The following CMYA5 variants were observed in gnomAD, a reference collection of about 807,000 sequenced individuals.
CMYA5 encodes cardiomyopathy associated 5.
A neutral mutation model predicts 318.9 loss-of-function variants in CMYA5; 246 were observed. That is an observed-to-expected ratio of 0.77 (90% CI 0.70 to 0.86). The LOEUF is 0.86. CMYA5 is among the 40% of genes least tolerant of loss of function. The probability of loss-of-function intolerance (pLI) is 0.00; values close to 1 mark genes in which losing one functional copy is unlikely to be tolerated. For missense variants in CMYA5, 4,589 were observed against 4,678.2 expected (o/e 0.98, Z 0.56); for synonymous variants, 1,641 against 1,729.5 (o/e 0.95, Z 1.27).
At chr5:79,710,365 C>A (rs1031928292) in intron 1 of CMYA5, among the ~76,000 whole-genome samples, 29 of 151,788 alleles carry the variant, frequency 1.9e-4, no homozygotes, top group Non-Finnish European at 4.3e-4. Flanking sequence ...TAAATATAAC[C>A]CACATGAACA....
At position 79,734,089 on chromosome 5, in the gene CMYA5, C is replaced by T; in HGVS notation, c.5324C>T (p.Thr1775Ile). 6.2e-7 allele frequency: 1 copy of T among 1,613,788 alleles called. No individual in the cohort carries two copies. The highest frequency in any genetic ancestry group is 8.5e-7 in the Non-Finnish European group (1 of 1,179,824). ...GNQEIGPLPP[T>I]GNLKAQVMGD... ...CAAGAAATAGGCCCATTACCACCAA[C>T]TGGAAATTTGAAGGCACAAGTCATG... The change falls in exon 2 of 13, where the codon ACT (threonine) becomes ATT (isoleucine). Residue 1775 changes from threonine to isoleucine, a missense_variant. Physicochemically the swap from Thr to Ile is moderately conservative, Grantham distance 89 (BLOSUM62 -1). This residue lies in a region of CMYA5 where 2,132 missense variants were observed against 2,131.3 expected (regional missense o/e 1.00). Transcript: ENST00000446378.
intron 1 of CMYA5, among the ~76,000 whole-genome samples, chr5:79,703,276 T>G (rs1827207385): frequency 6.6e-6 from 1 of 152,192 alleles, no homozygotes. Flanking sequence ...TAATTGAAAA[T>G]ACAACATAGG....
At chr5:79,753,317 C>T (rs1256717691) in intron 6 of CMYA5, among the ~76,000 whole-genome samples, 2 of 152,144 alleles carry the variant, frequency 1.3e-5, no homozygotes, top group African/African-American at 4.8e-5. Context: ...TCAGAAGCAT[C>T]CTGCCAGCTC....
intron 1 of CMYA5, among the ~76,000 whole-genome samples, chr5:79,722,623 GCCAAGATTGTGCCCCTGCACT>G (rs1290459474): frequency 1.4e-5 from 2 of 145,034 alleles, no homozygotes; most frequent in Non-Finnish European, 3.0e-5. Flanking sequence ...GTTGCAGGGA[GCCAAGATTGTGCCCCTGCACT>G]CCAGCCTGGG....
intron 2 of CMYA5, 106 bp from the exon 3 acceptor site, chr5:79,743,721 T>G: frequency 3.4e-6 from 2 of 588,726 alleles, no homozygotes; most frequent in South Asian, 2.5e-5. Context: ...TATAGTATAG[T>G]AAGTCTCTAC....
chr5:79,732,726 T>C lies in CMYA5; in HGVS notation c.3961T>C (p.Ser1321Pro), dbSNP rs1223013111. The C allele has an allele frequency of 5.6e-6, 9 of 1,613,582 alleles. No homozygotes were observed. The Admixed American group carries it at 1.2e-4, about 21-fold the overall frequency. Residue 1321 changes from serine to proline, a missense_variant, in exon 2 of 13, where the codon TCA becomes CCA. Around this residue, in one of 3 missense-constraint regions of CMYA5, gnomAD observed 2,132 missense variants for 2,131.3 expected, o/e 1.00. Coordinates refer to ENST00000446378, the MANE Select transcript of CMYA5 (RefSeq NM_153610.5). Reference protein sequence around the residue: ...TTPIVLHSASSGVEKQVEHGP... With the variant: ...TTPIVLHSASPGVEKQVEHGP... ...ACCTATAGTGCTTCATTCAGCTTCC[T>C]CAGGAGTGGAAAAGCAAGTTGAACA...
At chr5:79,693,336 A>ATT (rs11319092) in intron 1 of CMYA5, among the ~76,000 whole-genome samples, 22 of 135,632 alleles carry the variant, frequency 1.6e-4, no homozygotes, top group Admixed American at 3.0e-4. Flanking sequence ...AAGTCACACA[A>ATT]TTTTTTTTTT....
At position 79,737,535 on chromosome 5, in the gene CMYA5, G is replaced by T. The variant is rs1165654869; in HGVS notation, c.8770G>T (p.Gly2924Cys). ...GGAACCTGAAGACACATATGCAAAA[G>T]GTGAAGACTTTACAGTGACTAGTAA... ...PKEPEDTYAKGEDFTVTSKPA... is the reference protein window; with the variant it reads ...PKEPEDTYAKCEDFTVTSKPA... Residue 2924 changes from glycine to cysteine, a missense_variant, in exon 2 of 13, where the codon GGT becomes TGT. Coordinates refer to ENST00000446378, the MANE Select transcript of CMYA5 (RefSeq NM_153610.5). 1 of 1,613,478 alleles carries T rather than the reference G, an allele frequency of 6.2e-7. No individual in the cohort carries two copies. The highest frequency in any genetic ancestry group is 1.7e-5 in the Admixed American group (1 of 59,900).
intron 9 of CMYA5, among the ~76,000 whole-genome samples, chr5:79,788,022 A>G (rs922215112): frequency 7.9e-5 from 12 of 152,162 alleles, no homozygotes; most frequent in Admixed American, 2.6e-4. Context: ...AAAAACAAAG[A>G]CAAACAAAAA....
At chr5:79,716,814 A>G (rs1276542104) in intron 1 of CMYA5, among the ~76,000 whole-genome samples, 2 of 152,262 alleles carry the variant, frequency 1.3e-5, no homozygotes, top group East Asian at 3.9e-4. Flanking sequence ...CAGTAGCAAC[A>G]TCCGTATACA....
At position 79,743,830 on chromosome 5, in the gene CMYA5, C is replaced by A; in HGVS notation, c.10642C>A (p.Gln3548Lys). 6.6e-7 allele frequency: 1 copy of A among 1,512,514 alleles called. No individual in the cohort carries two copies. The highest frequency in any genetic ancestry group is 1.2e-5 in the South Asian group (1 of 81,478). 93.7% of individuals were successfully genotyped at this position (1,512,514 alleles called of 1,614,324 possible). ...LDTAISAVKV[Q>K]LAEFLENLQE... The stretch of plus-strand genomic sequence containing the variant: ...ATATCTTAATTCTTTTCTTCAGGTT[C>A]AATTAGCAGAATTTCTAGAAAATTT... The change falls in exon 3 of 13, where the codon CAA becomes AAA. Residue 3548 changes from glutamine (Q) to lysine (K), a missense_variant. By Grantham distance (53) the Gln-to-Lys change is moderately conservative. Transcript: ENST00000446378.
In CMYA5 at chr5:79,689,839, C is replaced by A. The variant is rs1037582412; in HGVS notation, c.-69C>A. On this transcript the variant is annotated 5_prime_UTR_variant, in exon 1 of 13. Coordinates refer to ENST00000446378, the MANE Select transcript of CMYA5 (RefSeq NM_153610.5). ...TGGGGAGGGCAGGGGCCAGAGCAGT[C>A]GGAGGGAGAACACCAGGCGCGGCGC... The A allele has an allele frequency of 1.5e-5, 9 of 612,570 alleles. No homozygotes were observed. Among genetic ancestry groups the A allele is most frequent in the Non-Finnish European group, 1.7e-5 (6 of 343,492 alleles). 37.9% of individuals were successfully genotyped at this position (612,570 alleles called of 1,614,324 possible). A position where few individuals can be genotyped will look rare whatever the true frequency, so the allele number is the denominator to read the frequency against.
chr5:79,759,113 T>C (rs1055747901), intron 7 of CMYA5, among the ~76,000 whole-genome samples: 4 of 152,232 alleles, frequency 2.6e-5, no homozygotes, highest in African/African-American at 9.6e-5. Flanking sequence ...ATGGCATAAA[T>C]ATTATAATAG....
At chr5:79,748,110 G>A (rs1828362009) in intron 5 of CMYA5, among the ~76,000 whole-genome samples, 1 of 152,146 alleles carries the variant, frequency 6.6e-6, no homozygotes, top group South Asian at 2.1e-4. Flanking sequence ...ATCAATAAGT[G>A]TTTTATAACA....
intron 9 of CMYA5, among the ~76,000 whole-genome samples, chr5:79,773,892 A>T (rs1580800486): frequency 6.6e-6 from 1 of 152,366 alleles, no homozygotes; most frequent in East Asian, 1.9e-4. Flanking sequence ...GTGTAGGAAG[A>T]CAAGTTGAAA....
chr5:79,792,003 C>T (rs1433824670), intron 11 of CMYA5, among the ~76,000 whole-genome samples: 6 of 152,278 alleles, frequency 3.9e-5, no homozygotes, highest in Non-Finnish European at 7.4e-5. Context: ...GCCCTGGTGT[C>T]GGTGGCTGGC....
chr5:79,689,902 G>T lies in CMYA5; in HGVS notation c.-6G>T, dbSNP rs1017764696. On this transcript the variant is annotated 5_prime_UTR_variant, in exon 1 of 13. Coordinates refer to ENST00000446378, the MANE Select transcript of CMYA5 (RefSeq NM_153610.5). ...CTCCGGCCCCGGCCCAGGCCCGGGAGAGGCGATGGCGAGCCGCGATAGCAA... is the reference window on the plus strand; with the variant it reads ...CTCCGGCCCCGGCCCAGGCCCGGGATAGGCGATGGCGAGCCGCGATAGCAA... The T allele has an allele frequency of 5.1e-6, 4 of 777,328 alleles. No homozygotes were observed. The African/African-American group carries it at 7.3e-5, about 14-fold the overall frequency. 48.2% of individuals were successfully genotyped at this position (777,328 alleles called of 1,614,324 possible). A position where few individuals can be genotyped will look rare whatever the true frequency, so the allele number is the denominator to read the frequency against.
intron 9 of CMYA5, among the ~76,000 whole-genome samples, chr5:79,766,516 G>A (rs564903628): frequency 2.0e-5 from 3 of 152,302 alleles, no homozygotes; most frequent in South Asian, 2.1e-4. Flanking sequence ...TAGCATGAAG[G>A]GGTGTTGAAT....
chr5:79,796,754 G>T (rs1212388932), intron 12 of CMYA5, among the ~76,000 whole-genome samples: 6 of 152,074 alleles, frequency 3.9e-5, no homozygotes, highest in Non-Finnish European at 8.8e-5. Context: ...AAGATAAGAA[G>T]AGCATGTTTT....
Sources: gnomAD v4.1 joint callset for allele counts (sites outside exome capture counted in the v4.1 genomes callset) on GRCh38, gnomAD v4.1.1 for gene constraint, gnomAD v4.1.1 regional missense constraint, MANE v1.5 for transcripts, NCBI Gene and HGNC (gene_info 2026-07-23, HGNC 2026-07-21) for gene names.